The following ACAD8 variants were observed in gnomAD, a reference collection of about 807,000 sequenced individuals.
ACAD8 encodes the protein acyl-CoA dehydrogenase family member 8.
A neutral mutation model predicts 53.1 loss-of-function variants in ACAD8; 47 were observed. That is an observed-to-expected ratio of 0.89 (90% CI 0.70 to 1.13). The LOEUF (loss-of-function observed/expected upper bound fraction) is 1.13. Among genes scored for constraint, ACAD8 ranks in the 50% most tolerant of loss-of-function variants. The probability of loss-of-function intolerance (pLI) is 0.00; values close to 1 mark genes in which losing one functional copy is unlikely to be tolerated. For synonymous variants in ACAD8, 198 were observed against 201.3 expected (o/e 0.98, Z 0.14); for missense variants, 494 against 535.0 (o/e 0.92, Z 0.76).
At chr11:134,262,314 G>T in intron 9 of ACAD8, 1 of 669,314 alleles carries the variant, frequency 1.5e-6, no homozygotes, top group South Asian at 1.5e-5. Flanking sequence ...TGAGTCGCCT[G>T]TCTGGGGGGA....
chr11:134,261,209 T>C lies in ACAD8; in HGVS notation c.841+30T>C, dbSNP rs575969865. 8 of 1,613,040 alleles carry C rather than the reference T, an allele frequency of 5.0e-6. No individual in the cohort carries two copies. The Admixed American group carries it at 1.0e-4, about 20-fold the overall frequency. ...GATACGCAGGGGTGTGGCAGGGAGGTAGCGGTCCGGGACAGGCACTGCTGT... is the reference window on the plus strand; with the variant it reads ...GATACGCAGGGGTGTGGCAGGGAGGCAGCGGTCCGGGACAGGCACTGCTGT... On this transcript the variant is annotated intron_variant, in intron 7 of 10. Transcript: ENST00000281182. This position sits in a 1 kb window ranked among gnomAD's most constrained non-coding sequence, Gnocchi z 4.2.
intron 5 of ACAD8, chr11:134,259,342 G>A (rs7935530): frequency 3.0e-5 from 20 of 663,522 alleles, no homozygotes; most frequent in South Asian, 5.3e-5. Flanking sequence ...TCACTGCAGC[G>A]ACCTTTTACC....
intron 9 of ACAD8, chr11:134,262,285 G>C: frequency 3.0e-6 from 2 of 664,100 alleles, no homozygotes; most frequent in Non-Finnish European, 2.8e-6. Context: ...AGGTAATAAG[G>C]GAGAGGGGCA....
chr11:134,265,028 C>A lies in ACAD8; in HGVS notation c.*68C>A. On this transcript the variant is annotated 3_prime_UTR_variant, in exon 11 of 11. Coordinates refer to ENST00000281182, the MANE Select transcript of ACAD8 (RefSeq NM_014384.3). ...CAGTGTTGAGTGGTGCCATGTGGGC[C>A]GCTCTATTCCAAAGGAATCATGGAT... is the stretch of plus-strand genomic sequence containing the variant. 6.6e-7 allele frequency: 1 copy of A among 1,523,272 alleles called. No individual in the cohort carries two copies. Among genetic ancestry groups the A allele is most frequent in the Non-Finnish European group, 9.1e-7 (1 of 1,098,298 alleles). The allele number at this position is 1,523,272 out of a possible 1,614,324, so 94.4% of individuals were successfully genotyped here.
In ACAD8 at chr11:134,264,927, G is replaced by A. The variant is rs756762030; in HGVS notation, c.1215G>A (p.Arg405=). Reference sequence around the variant, plus strand: ...TTACAGGTAGCAATGAAGTGATGAGGATACTGATCTCTAGAAGCCTGCTTC... The same window carrying A: ...TTACAGGTAGCAATGAAGTGATGAGAATACTGATCTCTAGAAGCCTGCTTC... ...QILEGSNEVM[R]ILISRSLLQE Residue 405 remains arginine (R), a synonymous_variant, in exon 11 of 11, where the codon AGG becomes AGA. Transcript: ENST00000281182. 4 of 1,614,216 alleles carry A rather than the reference G, an allele frequency of 2.5e-6. No individual in the cohort carries two copies. The highest frequency in any genetic ancestry group is 1.6e-4 in the Middle Eastern group (1 of 6,062).
chr11:134,265,602 AG>A lies in ACAD8; in HGVS notation c.*643del, dbSNP rs1475467930. On this transcript the variant is annotated 3_prime_UTR_variant, in exon 11 of 11. Transcript: ENST00000281182. ...ATATTCGTTGGGTTTCATGTTAAGA[AG>A]CCTGTGGTCTAGGAGTGCTATTCAG... The A allele has an allele frequency of 6.6e-6, 1 of 152,492 alleles. No individual in the cohort carries two copies. Among genetic ancestry groups the A allele is most frequent in the East Asian group, 1.9e-4 (1 of 5,206 alleles). 9.4% of individuals were successfully genotyped at this position (152,492 alleles called of 1,614,324 possible).
At chr11:134,262,053 A>G in intron 9 of ACAD8, 163 bp downstream of exon 9, 1 of 836,060 alleles carries the variant, frequency 1.2e-6, no homozygotes, top group Non-Finnish European at 2.0e-6. Flanking sequence ...CCTATGTGGG[A>G]GCTCTCATCG....
In ACAD8 at chr11:134,265,144, T is replaced by A. The variant is rs1294565019; in HGVS notation, c.*184T>A. 1 of 659,546 alleles carries A rather than the reference T, an allele frequency of 1.5e-6. No homozygotes were observed. Among genetic ancestry groups the A allele is most frequent in the Admixed American group, 2.5e-5 (1 of 40,374 alleles). 40.9% of individuals were successfully genotyped at this position (659,546 alleles called of 1,614,324 possible). A position where few individuals can be genotyped will look rare whatever the true frequency, so the allele number is the denominator to read the frequency against. ...TCTTGGACTGGGGCAGAATCCCCAG[T>A]GGAACCGGAAGAGCTGGACTGATGA... On this transcript the variant is annotated 3_prime_UTR_variant, in exon 11 of 11. Transcript: ENST00000281182.
In ACAD8 at chr11:134,261,179, G is replaced by A. The variant is rs1939855345; in HGVS notation, c.841G>A (p.Ala281Thr). ...ACTGAACGGAGGGAGGATCAATATT[G>A]GTGAGATACGCAGGGGTGTGGCAGG... ...RGLNGGRINI[A>T]SCSLGAAHAS... The change falls in exon 7 of 11, where the codon GCT (alanine) becomes ACT (threonine). Residue 281 changes from alanine (A) to threonine (T), a missense_variant and splice_region_variant. By Grantham distance (58) the Ala-to-Thr change is moderately conservative. Transcript: ENST00000281182. The surrounding 1 kb of genome is among the most constrained non-coding windows in gnomAD (Gnocchi z 4.2). 1 of 1,613,560 alleles carries A rather than the reference G, an allele frequency of 6.2e-7. No individual in the cohort carries two copies. The highest frequency in any genetic ancestry group is 8.5e-7 in the Non-Finnish European group (1 of 1,179,826).
intron 2 of ACAD8, 75 bp downstream of exon 2, chr11:134,256,723 A>G: frequency 7.7e-7 from 1 of 1,295,560 alleles, no homozygotes; most frequent in Non-Finnish European, 1.1e-6. Flanking sequence ...TCTCCTGATA[A>G]TGTAATTGTT....
rs762954619 is a variant in ACAD8, at chr11:134,262,600, C to T, written c.1173C>T (p.Ser391=). 1.2e-6 allele frequency: 2 copies of T among 1,613,920 alleles called. No individual in the cohort carries two copies. The highest frequency in any genetic ancestry group is 2.2e-5 in the South Asian group (2 of 91,036). ...DYAVQQYVRD[S]RVHQILEGSN... ...CTGTTCAGCAGTACGTGCGGGACTC[C>T]AGGGTCCACCAGATTCTAGAAGGTA... The change falls in exon 10 of 11, where the codon TCC becomes TCT. Residue 391 remains serine, a synonymous_variant. Coordinates refer to ENST00000281182, the MANE Select transcript of ACAD8 (RefSeq NM_014384.3).
intron 10 of ACAD8, chr11:134,262,993 G>A: frequency 8.3e-7 from 1 of 1,209,360 alleles, no homozygotes; most frequent in Non-Finnish European, 1.1e-6. Flanking sequence ...AGGCAAATGT[G>A]AGCCAGTATG....
chr11:134,260,548 C>A, intron 6 of ACAD8: 1 of 210,272 alleles, frequency 4.8e-6, no homozygotes, highest in Non-Finnish European at 9.7e-6. Flanking sequence ...ACACAGCAAC[C>A]ATTTCCTAGG....
rs1939944447 is a variant in ACAD8 at position 134,262,524 on chromosome 11, G to A, written c.1097G>A (p.Cys366Tyr). Reference sequence around the variant, plus strand: ...CTAGTCCCTGTCTCCCTGCAGATCTGCAACCAGGCCTTGCAGATGCACGGG... The same window carrying A: ...CTAGTCCCTGTCTCCCTGCAGATCTACAACCAGGCCTTGCAGATGCACGGG... ...LFATDECFAI[C>Y]NQALQMHGGY... Residue 366 changes from cysteine to tyrosine, a missense_variant, in exon 10 of 11, where the codon TGC becomes TAC. Physicochemically the swap from Cys to Tyr is radical, Grantham distance 194. Transcript: ENST00000281182. 5 of 1,612,764 alleles carry A rather than the reference G, an allele frequency of 3.1e-6. No homozygotes were observed. The highest frequency in any genetic ancestry group is 4.2e-6 in the Non-Finnish European group (5 of 1,179,034).
chr11:134,253,940 G>C (rs1057293764), intron 1 of ACAD8, among the ~76,000 whole-genome samples: 1 of 148,018 alleles, frequency 6.8e-6, no homozygotes, highest in African/African-American at 2.5e-5. Flanking sequence ...ACCCCTGCCC[G>C]GGTCCTCCTC....
rs1234118482 is a variant in ACAD8, at chr11:134,257,147, C to T, written c.270C>T (p.Tyr90=). The T allele has an allele frequency of 2.5e-6, 4 of 1,614,152 alleles. No homozygotes were observed. In the East Asian group the frequency reaches 6.7e-5, roughly 27 times the overall value. ...CCCAGCTAGGCTTCGGAGGGGTCTA[C>T]ATACAAACAGATGTGGGCGGGTCTG... ...KAAQLGFGGV[Y]IQTDVGGSGL... is the part of the protein sequence containing the mutation. Residue 90 remains tyrosine (Y), a synonymous_variant, in exon 3 of 11, where the codon TAC becomes TAT. Coordinates refer to ENST00000281182, the MANE Select transcript of ACAD8 (RefSeq NM_014384.3).
intron 10 of ACAD8, among the ~76,000 whole-genome samples, chr11:134,264,389 A>T (rs756726013): frequency 6.6e-6 from 1 of 152,042 alleles, no homozygotes. Flanking sequence ...CTGGTGGCAC[A>T]TGCTTGTGGT....
At chr11:134,255,163 G>A (rs1939429965) in intron 1 of ACAD8, among the ~76,000 whole-genome samples, 1 of 152,112 alleles carries the variant, frequency 6.6e-6, no homozygotes, top group African/African-American at 2.4e-5. Flanking sequence ...TTGAGATGGA[G>A]TCTCTTTCTG....
At chr11:134,259,352 C>G (rs1555066211) in intron 5 of ACAD8, 1 of 667,502 alleles carries the variant, frequency 1.5e-6, no homozygotes, top group Non-Finnish European at 2.7e-6. Flanking sequence ...GACCTTTTAC[C>G]TCACCTCAGT....
Sources: gnomAD v4.1 joint callset for allele counts (sites outside exome capture counted in the v4.1 genomes callset) on GRCh38, gnomAD v4.1.1 for gene constraint, Gnocchi (gnomAD v3.1) non-coding constraint, MANE v1.5 for transcripts, NCBI Gene and HGNC (gene_info 2026-07-23, HGNC 2026-07-21) for gene names.